Variants in DOCK1 observed in about 807,000 individuals in gnomAD.
The protein encoded by DOCK1 is dedicator of cytokinesis 1, also known as dedicator of cytokinesis protein 1.
A neutral mutation model predicts 262.7 loss-of-function variants in DOCK1; 138 were observed. The ratio of observed to expected loss-of-function variants is 0.53; its 90% CI spans 0.46 to 0.61. The LOEUF (loss-of-function observed/expected upper bound fraction) is 0.61, where lower values mean the gene tolerates loss of function less well. Ranked by LOEUF, DOCK1 falls within the 20% of genes least tolerant of loss-of-function variation. DOCK1 has a pLI of 0.00. For missense variants in DOCK1, 1,908 were observed against 2,370.7 expected (o/e 0.80, Z 4.05); for synonymous variants, 866 against 867.4 (o/e 1.00, Z 0.03).
chr10:126,940,386 C>T (rs1309982563), intron 1 of DOCK1, among the ~76,000 whole-genome samples: 4 of 152,160 alleles, frequency 2.6e-5, no homozygotes, highest in Admixed American at 1.3e-4. Context: ...TGCAGCACTT[C>T]GTACTCAATA....
chr10:127,340,727 ATCT>A (rs1273517774), intron 30 of DOCK1, among the ~76,000 whole-genome samples: 3 of 152,194 alleles, frequency 2.0e-5, no homozygotes, highest in Non-Finnish European at 2.9e-5. Flanking sequence ...TCTATCTAGA[ATCT>A]TCTTCAACAC....
intron 32 of DOCK1, among the ~76,000 whole-genome samples, chr10:127,361,152 C>T (rs1397450099): frequency 1.4e-4 from 17 of 117,422 alleles, no homozygotes; most frequent in Non-Finnish European, 2.1e-4. Flanking sequence ...CTTGCTCTGT[C>T]GCCCAGGCTG....
chr10:127,209,633 C>T (rs894301552), intron 27 of DOCK1, among the ~76,000 whole-genome samples: 2 of 152,084 alleles, frequency 1.3e-5, no homozygotes, highest in African/African-American at 2.4e-5. Flanking sequence ...AGTGGAGGTG[C>T]CTTTCATTTG....
Position 127,451,656 on chromosome 10 carries a change from A to T in DOCK1, c.*229A>T. Reference sequence around the variant, plus strand: ...ATATGGGTCCGGGATGTGCTATCGTAGTTATCAGAGTTGGGGGCCTCTGAG... The same window carrying T: ...ATATGGGTCCGGGATGTGCTATCGTTGTTATCAGAGTTGGGGGCCTCTGAG... On this transcript the variant is annotated 3_prime_UTR_variant, in exon 52 of 52. Coordinates refer to ENST00000623213, the MANE Select transcript of DOCK1 (RefSeq NM_001290223.2). The T allele has an allele frequency of 6.4e-6, 6 of 938,952 alleles. No homozygotes were observed. The South Asian group carries it at 1.1e-4, about 18-fold the overall frequency. 58.2% of individuals were successfully genotyped at this position (938,952 alleles called of 1,614,324 possible).
intron 14 of DOCK1, among the ~76,000 whole-genome samples, chr10:127,023,884 C>G (rs927126921): frequency 3.9e-5 from 6 of 152,162 alleles, no homozygotes; most frequent in African/African-American, 1.4e-4. Flanking sequence ...AATGAAGGCC[C>G]TAAGAAATCA....
At chr10:127,335,360 C>T (rs1230923123) in intron 29 of DOCK1, among the ~76,000 whole-genome samples, 1 of 152,184 alleles carries the variant, frequency 6.6e-6, no homozygotes, top group Non-Finnish European at 1.5e-5. Flanking sequence ...TATGATCCTG[C>T]ACTGTGTGGA....
chr10:127,305,471 A>G (rs2061839579), intron 29 of DOCK1, among the ~76,000 whole-genome samples: 1 of 152,144 alleles, frequency 6.6e-6, no homozygotes, highest in South Asian at 2.1e-4. Context: ...AGTGCCCAAC[A>G]CACATTGCTG....
intron 23 of DOCK1, among the ~76,000 whole-genome samples, chr10:127,082,973 C>T (rs949636483): frequency 6.6e-6 from 1 of 152,214 alleles, no homozygotes; most frequent in South Asian, 2.1e-4. Context: ...TCTTCCAGGA[C>T]ATCTGCCTGT....
chr10:127,390,078 C>T (rs945882078), intron 38 of DOCK1, among the ~76,000 whole-genome samples: 6 of 151,956 alleles, frequency 3.9e-5, no homozygotes, highest in Admixed American at 2.6e-4. Context: ...GCCTGCTTTG[C>T]CTTCCGCCGT....
intron 27 of DOCK1, among the ~76,000 whole-genome samples, chr10:127,236,463 G>A (rs142611029): frequency 2.3e-5 from 3 of 129,940 alleles, no homozygotes; most frequent in Non-Finnish European, 4.8e-5. Flanking sequence ...ACCATTTGTT[G>A]AAAGTACAGT....
intron 27 of DOCK1, among the ~76,000 whole-genome samples, chr10:127,166,266 C>T (rs892365407): frequency 1.3e-5 from 2 of 152,082 alleles, no homozygotes; most frequent in South Asian, 4.2e-4. Flanking sequence ...AGGGTTTCAC[C>T]GTGTTAGGCA....
chr10:127,322,885 G>A (rs553923574), intron 29 of DOCK1, among the ~76,000 whole-genome samples: 1 of 152,330 alleles, frequency 6.6e-6, no homozygotes, highest in African/African-American at 2.4e-5. Context: ...AGAATGGAAA[G>A]TGCACTGTTA....
chr10:127,224,763 A>T (rs1047038558), intron 27 of DOCK1, among the ~76,000 whole-genome samples: 6 of 151,812 alleles, frequency 4.0e-5, no homozygotes, highest in African/African-American at 7.3e-5. Context: ...ATATGTATCT[A>T]TATATTATCT....
chr10:127,317,077 T>C (rs1379609446), intron 29 of DOCK1, among the ~76,000 whole-genome samples: 3 of 142,482 alleles, frequency 2.1e-5, no homozygotes, highest in African/African-American at 8.6e-5. Context: ...TTAGGAAAGC[T>C]ATTTTTGAGA....
intron 29 of DOCK1, among the ~76,000 whole-genome samples, chr10:127,313,404 A>T (rs1182481364): frequency 6.6e-6 from 1 of 152,196 alleles, no homozygotes; most frequent in Non-Finnish European, 1.5e-5. Context: ...GGTACCTTCC[A>T]CTACAAGCAC....
intron 27 of DOCK1, among the ~76,000 whole-genome samples, chr10:127,155,169 C>G (rs74158625): frequency 0.014 from 2,132 of 152,300 alleles, 53 homozygotes; most frequent in African/African-American, 0.049. Flanking sequence ...CATTGCTAGT[C>G]AGTACTTTTT....
intron 29 of DOCK1, among the ~76,000 whole-genome samples, chr10:127,258,724 G>A (rs2059911337): frequency 6.6e-6 from 1 of 152,208 alleles, no homozygotes; most frequent in African/African-American, 2.4e-5. Flanking sequence ...GCCAATCTAT[G>A]GCTGTACCAT....
At chr10:127,077,055 G>T (rs749693656) in intron 23 of DOCK1, among the ~76,000 whole-genome samples, 1 of 152,070 alleles carries the variant, frequency 6.6e-6, no homozygotes, top group African/African-American at 2.4e-5. Flanking sequence ...AAATGTCAGG[G>T]TAACTTAAAT....
At chr10:127,404,207 A>C in intron 39 of DOCK1, 118 bp from the exon 40 acceptor site, 3 of 689,100 alleles carry the variant, frequency 4.4e-6, no homozygotes. Context: ...CTCTCCCACC[A>C]TCTCCCCCTC....
Sources: gnomAD v4.1 joint callset for allele counts (sites outside exome capture counted in the v4.1 genomes callset) on GRCh38, gnomAD v4.1.1 for gene constraint, MANE v1.5 for transcripts, NCBI Gene and HGNC (gene_info 2026-07-23, HGNC 2026-07-21) for gene names.